Variants in KRT73 observed in about 807,000 individuals in gnomAD.
The protein encoded by KRT73 is keratin, type II cytoskeletal 73.
A neutral mutation model predicts 47.2 loss-of-function variants in KRT73; 44 were observed. That is an observed-to-expected ratio of 0.93 (90% confidence interval 0.73 to 1.20). KRT73 has a LOEUF of 1.20. Ranked by LOEUF, KRT73 falls within the 50% of genes most tolerant of loss-of-function variation. The pLI is 0.00. For missense variants in KRT73, 713 were observed against 704.5 expected, an observed-to-expected ratio of 1.01 and a Z score of -0.14; for synonymous variants, 285 against 291.3, an observed-to-expected ratio of 0.98 and a Z score of 0.22.
At chr12:52,619,361 T>C (rs1361581054), upstream of KRT73, among the ~76,000 whole-genome samples, 2 of 152,254 alleles carry the variant, frequency 1.3e-5, no homozygotes, top group Non-Finnish European at 2.9e-5. Context: ...GGAATGGTGA[T>C]GATCCACATT....
In KRT73 at chr12:52,614,606, G is replaced by A. The variant is rs1229554165; in HGVS notation, c.792C>T (p.Ile264=). 1 of 1,613,862 alleles carries A rather than the reference G, an allele frequency of 6.2e-7. No individual in the cohort carries two copies. Among genetic ancestry groups the A allele is most frequent in the African/African-American group, 1.3e-5 (1 of 74,916 alleles). ...CCTCGTACAGACACTTGAAGAACTT[G>A]ATTTCTCCATCCAGGGCATCCACCT... ...QAKVDALDGE[I]KFFKCLYEGE... The change falls in exon 4 of 9, where the codon ATC becomes ATT. Residue 264 remains isoleucine (I), a synonymous_variant. Transcript: ENST00000305748.
At chr12:52,626,682 A>C in the KRT73 span, among the ~76,000 whole-genome samples, 7 of 152,216 alleles carry the variant, frequency 4.6e-5, no homozygotes, top group South Asian at 1.2e-3. Context: ...CGGGGTGGGG[A>C]GGCACCCAGC....
rs146555452 is a variant in KRT73 at position 52,618,194 on chromosome 12, T to C, written c.331A>G (p.Lys111Glu). The change falls in exon 1 of 9, where the codon AAG (lysine) becomes GAG (glutamate). Residue 111 changes from lysine to glutamate, a missense_variant. Coordinates refer to ENST00000305748, the MANE Select transcript of KRT73 (RefSeq NM_175068.3). The part of the protein sequence containing the change: ...PGGIHQVTIN[K>E]SLLAPLNVEL... ...ACGTTCAGGGGTGCCAGGAGGCTCTTGTTGATGGTGACCTGATGGATACCC... is the reference window on the plus strand; with the variant it reads ...ACGTTCAGGGGTGCCAGGAGGCTCTCGTTGATGGTGACCTGATGGATACCC... 96 of 1,613,934 alleles carry C rather than the reference T, an allele frequency of 5.9e-5. No individual in the cohort carries two copies. The African/African-American group carries it at 1.1e-3, about 19-fold the overall frequency.
the KRT73 span, among the ~76,000 whole-genome samples, chr12:52,630,039 T>G: frequency 6.6e-6 from 1 of 152,186 alleles, no homozygotes; most frequent in Non-Finnish European, 1.5e-5. Flanking sequence ...TCTCCCAGCC[T>G]TTCTCAACAG....
intron 7 of KRT73, chr12:52,610,391 A>G (rs1940669788): frequency 1.8e-6 from 1 of 554,656 alleles, no homozygotes; most frequent in South Asian, 2.0e-5. Flanking sequence ...GAGAGGTGTT[A>G]AAGACACAAC....
the KRT73 span, among the ~76,000 whole-genome samples, chr12:52,626,221 G>A: frequency 3.3e-5 from 5 of 152,182 alleles, no homozygotes; most frequent in African/African-American, 1.2e-4. Flanking sequence ...CCATCAAGAA[G>A]GTTCAGTTAA....
intron 7 of KRT73, 87 bp downstream of exon 7, chr12:52,610,528 C>CGGGGGGGGGGGGGGGGG: frequency 3.2e-6 from 1 of 310,072 alleles, no homozygotes; most frequent in Non-Finnish European, 6.5e-6. Flanking sequence ...GCCAGCTCGC[C>CGGGGGGGGGGGGGGGGG]GCCCCCTCCC....
chr12:52,613,888 G>A (rs1183059748), intron 4 of KRT73, 36 bp from the exon 5 acceptor site: 2 of 1,602,180 alleles, frequency 1.2e-6, no homozygotes, highest in African/African-American at 2.7e-5. Flanking sequence ...AATGCCTTCT[G>A]TGACCAGAGA....
chr12:52,619,492 C>A (rs1230607516), upstream of KRT73, among the ~76,000 whole-genome samples: 2 of 152,162 alleles, frequency 1.3e-5, no homozygotes, highest in Non-Finnish European at 2.9e-5. Flanking sequence ...AGCACAGGCC[C>A]CAGCCTTGAG....
At chr12:52,614,696 C>T in intron 3 of KRT73, 22 bp from the exon 4 acceptor site, 1 of 1,597,576 alleles carries the variant, frequency 6.3e-7, no homozygotes, top group Non-Finnish European at 8.5e-7. Context: ...CCAGATACCC[C>T]TGACCTCACC....
At chr12:52,614,915 T>C in intron 3 of KRT73, 1 of 537,254 alleles carries the variant, frequency 1.9e-6, no homozygotes, top group Non-Finnish European at 3.3e-6. Flanking sequence ...TGAGACTCTA[T>C]ACCCCACTCA....
Position 52,609,256 on chromosome 12 carries a change from C to G in KRT73, c.1357G>C (p.Val453Leu), listed in dbSNP as rs145362309. ...CRMSGEYTNS[V>L]SISVINSSMA... ...GTCATGAAATACTCACAAATGCTCA[C>G]GGAGTTGGTATATTCTCCGGACATC... is the stretch of plus-strand genomic sequence containing the variant. The change falls in exon 8 of 9, where the codon GTG becomes CTG. Residue 453 changes from valine to leucine, a missense_variant. Transcript: ENST00000305748. 1.7e-5 allele frequency: 28 copies of G among 1,613,618 alleles called. No individual in the cohort carries two copies. The highest frequency in any genetic ancestry group is 2.3e-5 in the Non-Finnish European group (27 of 1,179,562).
rs185374025 is a variant in KRT73 at position 52,609,177 on chromosome 12, G to A, written c.1366+70C>T. On this transcript the variant is annotated intron_variant, in intron 8 of 8. Transcript: ENST00000305748. ...CAAGCTCTTCCTCAGGGGGCTGGGC[G>A]GTGGACACCCACCCACTTTGTGTTT... The A allele has an allele frequency of 3.1e-4, 420 of 1,374,468 alleles. No individual in the cohort carries two copies. The African/African-American group carries it at 4.9e-3, about 16-fold the overall frequency. The allele number at this position is 1,374,468 out of a possible 1,614,324, so 85.1% of individuals were successfully genotyped here.
intron 1 of KRT73, among the ~76,000 whole-genome samples, chr12:52,617,479 G>C (rs1940836500): frequency 1.3e-5 from 2 of 152,150 alleles, no homozygotes; most frequent in South Asian, 4.1e-4. Flanking sequence ...GGCCACCTTT[G>C]AGAACCACTG....
At chr12:52,624,702 A>G in the KRT73 span, among the ~76,000 whole-genome samples, 2 of 152,056 alleles carry the variant, frequency 1.3e-5, no homozygotes, top group African/African-American at 4.8e-5. Flanking sequence ...TTTAAAGCAC[A>G]TTATTTGCAA....
intron 2 of KRT73, among the ~76,000 whole-genome samples, chr12:52,615,846 G>A (rs1487445116): frequency 6.6e-6 from 1 of 152,168 alleles, no homozygotes; most frequent in Non-Finnish European, 1.5e-5. Flanking sequence ...GCAGCGGGTG[G>A]GTGGGGGGTG....
chr12:52,626,962 C>A, the KRT73 span, among the ~76,000 whole-genome samples: 1 of 152,182 alleles, frequency 6.6e-6, no homozygotes, highest in Non-Finnish European at 1.5e-5. Context: ...ACCCACCTGT[C>A]CTGCCACATC....
intron 2 of KRT73, 126 bp from the exon 3 acceptor site, chr12:52,615,465 G>T: frequency 1.4e-6 from 1 of 695,944 alleles, no homozygotes; most frequent in Non-Finnish European, 2.4e-6. Context: ...CTATACCTTT[G>T]CAAGTCCATC....
At chr12:52,615,030 G>T (rs1940786590) in intron 3 of KRT73, 4 of 539,176 alleles carry the variant, frequency 7.4e-6, no homozygotes, top group Non-Finnish European at 1.3e-5. Flanking sequence ...AGCCTGTCCT[G>T]TTCCCCAGCC....
Sources: allele counts gnomAD v4.1 joint callset (sites outside exome capture counted in the v4.1 genomes callset), GRCh38; gene constraint gnomAD v4.1.1; transcripts MANE v1.5; gene names NCBI Gene and HGNC (gene_info 2026-07-23, HGNC 2026-07-21).